Variants in TMEM132C observed in about 807,000 individuals in gnomAD.
TMEM132C encodes protein phosphatase 1, regulatory subunit 152.
TMEM132C carries 29 observed loss-of-function variants against 61.4 expected under a neutral mutation model. That is an observed-to-expected ratio of 0.47 (90% CI 0.35 to 0.64). The LOEUF (loss-of-function observed/expected upper bound fraction) is 0.64. TMEM132C is among the 30% of genes least tolerant of loss of function. The probability of loss-of-function intolerance (pLI) is 0.00; values close to 1 mark genes in which losing one functional copy is unlikely to be tolerated. For missense variants in TMEM132C, 1,408 were observed against 1,476.9 expected (o/e 0.95, Z 0.76); for synonymous variants, 656 against 633.1 (o/e 1.04, Z -0.54).
At chr12:128,675,838 AAGATAGAT>A (rs369218169) in intron 5 of TMEM132C, among the ~76,000 whole-genome samples, 6,501 of 143,096 alleles carry the variant, frequency 0.045, 192 homozygotes, top group Non-Finnish European at 0.061. Flanking sequence ...AGATAGATAG[AAGATAGAT>A]AGATAGATAG....
At chr12:128,312,498 G>A (rs1273314347) in intron 1 of TMEM132C, among the ~76,000 whole-genome samples, 1 of 152,142 alleles carries the variant, frequency 6.6e-6, no homozygotes, top group Non-Finnish European at 1.5e-5. Flanking sequence ...TGGAGATGGG[G>A]TTTCACCATA....
chr12:128,580,016 G>T (rs1875270300), intron 3 of TMEM132C, among the ~76,000 whole-genome samples: 1 of 152,162 alleles, frequency 6.6e-6, no homozygotes, highest in Admixed American at 6.5e-5. Flanking sequence ...CGTGTTCGCA[G>T]GCAGTGAGGA....
intron 2 of TMEM132C, among the ~76,000 whole-genome samples, chr12:128,429,520 T>C (rs1176001282): frequency 6.6e-6 from 1 of 152,146 alleles, no homozygotes; most frequent in African/African-American, 2.4e-5. Context: ...TGGCAGCCTT[T>C]CCTGACAATG....
intron 1 of TMEM132C, among the ~76,000 whole-genome samples, chr12:128,393,734 T>G (rs1874844795): frequency 2.0e-5 from 3 of 152,140 alleles, no homozygotes; most frequent in Admixed American, 2.0e-4. Flanking sequence ...AGCATGAGCT[T>G]CTTGCCTCAT....
At chr12:128,632,795 A>G (rs1243459328) in intron 4 of TMEM132C, among the ~76,000 whole-genome samples, 1 of 152,174 alleles carries the variant, frequency 6.6e-6, no homozygotes, top group African/African-American at 2.4e-5. Context: ...CCTGACCTCA[A>G]ATCTTTATGG....
chr12:128,317,579 G>A (rs1448323548), intron 1 of TMEM132C, among the ~76,000 whole-genome samples: 1 of 152,218 alleles, frequency 6.6e-6, no homozygotes, highest in East Asian at 1.9e-4. Flanking sequence ...GAGCACTTTA[G>A]AGGAGAATAA....
At chr12:128,354,516 T>G (rs1873439070) in intron 1 of TMEM132C, among the ~76,000 whole-genome samples, 1 of 151,722 alleles carries the variant, frequency 6.6e-6, no homozygotes, top group Admixed American at 6.6e-5. Context: ...TCCCTCCTTC[T>G]TCTCTCTCTC....
rs909970876 is a variant in TMEM132C at position 128,267,288 on chromosome 12, G to T, written c.-115G>T. 1.4e-5 allele frequency: 8 copies of T among 588,656 alleles called. No homozygotes were observed. The highest frequency in any genetic ancestry group is 1.4e-4 in the South Asian group (2 of 14,294). The allele number at this position is 588,656 out of a possible 1,614,324, so 36.5% of individuals were successfully genotyped here. Reference sequence around the variant, plus strand: ...GGCCTCGGACAGCAGAGACGCAGCGGGCCCGGCCGACCGGGCTGCGGGAGT... The same window carrying T: ...GGCCTCGGACAGCAGAGACGCAGCGTGCCCGGCCGACCGGGCTGCGGGAGT... On this transcript the variant is annotated 5_prime_UTR_variant, in exon 1 of 9. Coordinates refer to ENST00000435159, the MANE Select transcript of TMEM132C (RefSeq NM_001136103.3).
intron 2 of TMEM132C, among the ~76,000 whole-genome samples, chr12:128,495,106 T>C (rs554620526): frequency 6.7e-6 from 1 of 149,628 alleles, no homozygotes; most frequent in East Asian, 2.0e-4. Flanking sequence ...ATGTACCCAG[T>C]AGTCATTCAG....
At chr12:128,366,475 T>C (rs1467314717) in intron 1 of TMEM132C, among the ~76,000 whole-genome samples, 1 of 152,170 alleles carries the variant, frequency 6.6e-6, no homozygotes, top group Non-Finnish European at 1.5e-5. Flanking sequence ...CGGCTTCTTA[T>C]AGCCCCGGAT....
intron 4 of TMEM132C, among the ~76,000 whole-genome samples, chr12:128,632,974 A>G (rs145956924): frequency 6.6e-6 from 1 of 152,188 alleles, no homozygotes; most frequent in South Asian, 2.1e-4. Context: ...TCCCTGAGAC[A>G]CAGTGGCTTA....
chr12:128,383,476 C>G (rs890200418), intron 1 of TMEM132C, among the ~76,000 whole-genome samples: 4 of 152,186 alleles, frequency 2.6e-5, no homozygotes, highest in African/African-American at 9.7e-5. Flanking sequence ...TCCCATGGTG[C>G]TCAGGCTCTG....
At chr12:128,698,273 A>G (rs1954779744) in intron 8 of TMEM132C, among the ~76,000 whole-genome samples, 1 of 152,202 alleles carries the variant, frequency 6.6e-6, no homozygotes, top group African/African-American at 2.4e-5. Flanking sequence ...AAGACAGGAA[A>G]TTAGAAAGAG....
chr12:128,341,864 T>C (rs1312296734), intron 1 of TMEM132C, among the ~76,000 whole-genome samples: 1 of 144,210 alleles, frequency 6.9e-6, no homozygotes. Context: ...AACTACTCGA[T>C]AAACCACTGG....
chr12:128,283,336 A>G (rs771779630), intron 1 of TMEM132C, among the ~76,000 whole-genome samples: 6 of 152,172 alleles, frequency 3.9e-5, no homozygotes, highest in Admixed American at 6.5e-5. Flanking sequence ...CAGTTTTGGA[A>G]TCAGTTCAGT....
chr12:128,484,772 C>T (rs1871431879), intron 2 of TMEM132C, among the ~76,000 whole-genome samples: 1 of 152,026 alleles, frequency 6.6e-6, no homozygotes, highest in South Asian at 2.1e-4. Context: ...GCCTGGGCAA[C>T]ATACTGAGAC....
At chr12:128,389,695 G>C (rs1223069609) in intron 1 of TMEM132C, among the ~76,000 whole-genome samples, 1 of 152,160 alleles carries the variant, frequency 6.6e-6, no homozygotes, top group Non-Finnish European at 1.5e-5. Flanking sequence ...GTGCCTCTGA[G>C]TTGGCATAAA....
chr12:128,510,554 C>T (rs1249044637), intron 2 of TMEM132C, among the ~76,000 whole-genome samples: 2 of 152,150 alleles, frequency 1.3e-5, no homozygotes, highest in Admixed American at 6.5e-5. Flanking sequence ...ATTCTGGTAG[C>T]CTGCCGTCTA....
At chr12:128,445,620 G>A (rs534265386) in intron 2 of TMEM132C, among the ~76,000 whole-genome samples, 1 of 152,280 alleles carries the variant, frequency 6.6e-6, no homozygotes, top group South Asian at 2.1e-4. Context: ...CAGTCTCTCT[G>A]CTGAGCACCC....
Sources: gnomAD v4.1 joint callset for allele counts (sites outside exome capture counted in the v4.1 genomes callset) on GRCh38, gnomAD v4.1.1 for gene constraint, MANE v1.5 for transcripts, NCBI Gene and HGNC (gene_info 2026-07-23, HGNC 2026-07-21) for gene names.